Variants in SLC4A4 observed in about 807,000 individuals in gnomAD.
SLC4A4 encodes solute carrier family 4 member 4.
Under a neutral mutation model 111.5 loss-of-function variants are expected in SLC4A4, and 27 were observed. That is an observed-to-expected ratio of 0.24 (90% CI 0.18 to 0.33). The LOEUF (loss-of-function observed/expected upper bound fraction) is 0.33, where lower values mean the gene tolerates loss of function less well. Among genes scored for constraint, SLC4A4 ranks in the 10% least tolerant of loss-of-function variants. The pLI is 1.00. For missense variants in SLC4A4, 909 were observed against 1,315.5 expected (o/e 0.69, Z 4.78); for synonymous variants, 443 against 463.4 (o/e 0.96, Z 0.57).
chr4:71,349,389 G>T (rs1217485860), intron 4 of SLC4A4, among the ~76,000 whole-genome samples: 1 of 152,126 alleles, frequency 6.6e-6, no homozygotes, highest in East Asian at 1.9e-4. Context: ...TCTTCCTTAA[G>T]CATCAATAAA....
intron 1 of SLC4A4, among the ~76,000 whole-genome samples, chr4:71,214,841 A>G (rs1362393879): frequency 6.6e-6 from 1 of 152,158 alleles, no homozygotes; most frequent in Non-Finnish European, 1.5e-5. Flanking sequence ...ATCTCCACCC[A>G]CTTGAAACTT....
At position 71,570,774 on chromosome 4, in the gene SLC4A4, G is replaced by A. The variant is rs187139688; in HGVS notation, c.*3023G>A. The A allele has an allele frequency of 3.4e-4, 51 of 151,974 alleles. No individual in the cohort carries two copies. The highest frequency in any genetic ancestry group is 1.1e-3 in the African/African-American group (45 of 41,490). 9.4% of individuals were successfully genotyped at this position (151,974 alleles called of 1,614,324 possible). A position where few individuals can be genotyped will look rare whatever the true frequency, so the allele number is the denominator to read the frequency against. On this transcript the variant is annotated 3_prime_UTR_variant, in exon 26 of 26. Transcript: ENST00000264485. ...AAAATGCCTCTGGTTTTGTGTTTGG[G>A]AGAAAAGTATCTTGGACGCACTGTT... is the stretch of plus-strand genomic sequence containing the variant.
chr4:71,085,852 T>C (rs1477900804), intron 1 of SLC4A4, among the ~76,000 whole-genome samples: 1 of 152,062 alleles, frequency 6.6e-6, no homozygotes, highest in African/African-American at 2.4e-5. Context: ...CCTCCAGCTT[T>C]GTTCTTTTAG....
At chr4:71,204,127 A>G (rs1208048910) in intron 1 of SLC4A4, among the ~76,000 whole-genome samples, 2 of 152,230 alleles carry the variant, frequency 1.3e-5, no homozygotes, top group Non-Finnish European at 2.9e-5. Flanking sequence ...TCTAAATGAA[A>G]TGGAAAAAGA....
At chr4:71,197,209 C>T (rs112896006) in intron 1 of SLC4A4, among the ~76,000 whole-genome samples, 8,378 of 151,962 alleles carry the variant, frequency 0.055, 758 homozygotes, top group African/African-American at 0.19. Context: ...AGCGAGATTC[C>T]GTCTCAAAAA....
chr4:71,150,268 T>C (rs1324883370), intron 2 of SLC4A4, among the ~76,000 whole-genome samples: 1 of 152,094 alleles, frequency 6.6e-6, no homozygotes, highest in Admixed American at 6.6e-5. Flanking sequence ...TGGGTTTGGC[T>C]GAAGGTGGAA....
At chr4:71,328,934 T>C (rs186787819) in intron 3 of SLC4A4, among the ~76,000 whole-genome samples, 2 of 152,208 alleles carry the variant, frequency 1.3e-5, no homozygotes, top group East Asian at 1.9e-4. Flanking sequence ...TTTCTTGTAG[T>C]AGCTTCATAG....
intron 15 of SLC4A4, among the ~76,000 whole-genome samples, chr4:71,492,063 C>T (rs1250484131): frequency 6.6e-6 from 1 of 151,474 alleles, no homozygotes; most frequent in Non-Finnish European, 1.5e-5. Context: ...AATGGAATGT[C>T]GTATTAATAT....
chr4:71,247,651 C>A (rs1341137905), intron 2 of SLC4A4, among the ~76,000 whole-genome samples: 2 of 152,230 alleles, frequency 1.3e-5, no homozygotes, highest in Middle Eastern at 3.2e-3. Flanking sequence ...TCCAACCCTA[C>A]TTCCCATTCA....
chr4:71,375,507 C>G (rs1732266897), intron 6 of SLC4A4, among the ~76,000 whole-genome samples: 1 of 152,274 alleles, frequency 6.6e-6, no homozygotes, highest in Middle Eastern at 3.4e-3. Context: ...CTTCAAGGCC[C>G]ACATTCTCCT....
intron 3 of SLC4A4, among the ~76,000 whole-genome samples, chr4:71,324,729 A>T (rs1727378984): frequency 6.6e-6 from 1 of 152,060 alleles, no homozygotes; most frequent in African/African-American, 2.4e-5. Context: ...GAATCCATGT[A>T]ACGTTTTTGT....
intron 3 of SLC4A4, among the ~76,000 whole-genome samples, chr4:71,272,413 C>T (rs1228511746): frequency 1.3e-5 from 2 of 152,134 alleles, no homozygotes; most frequent in Non-Finnish European, 2.9e-5. Context: ...GGTTAAATGA[C>T]TGAAAGACAT....
At chr4:71,091,548 C>T (rs1158118223) in intron 1 of SLC4A4, among the ~76,000 whole-genome samples, 6 of 151,902 alleles carry the variant, frequency 3.9e-5, no homozygotes, top group South Asian at 4.2e-4. Context: ...CCACTGCACC[C>T]GGCCTGGCCA....
rs531547051 is a variant in SLC4A4 at position 71,272,526 on chromosome 4, T to C, written c.253+17127T>C. On this transcript the variant is annotated intron_variant, in intron 3 of 25. Transcript: ENST00000264485. ...GCGTCATGTTAAGCAAGTGGTAAAG[T>C]TGTTAATCTCTTGAAAAAATGGATC... Among the ~76,000 whole-genome samples the C allele has an allele frequency of 7.9e-5, 12 of 152,298 alleles. 1 individual carries two copies. In the South Asian group the frequency reaches 1.2e-3, roughly 16 times the overall value.
intron 16 of SLC4A4, among the ~76,000 whole-genome samples, chr4:71,499,590 C>T (rs1730717484): frequency 6.6e-6 from 1 of 152,110 alleles, no homozygotes; most frequent in Non-Finnish European, 1.5e-5. Flanking sequence ...CCTCCCATTC[C>T]CCGCCTCCAG....
At chr4:71,495,449 A>T (rs867085013) in intron 15 of SLC4A4, among the ~76,000 whole-genome samples, 53 of 152,266 alleles carry the variant, frequency 3.5e-4, no homozygotes, top group African/African-American at 1.2e-3. Context: ...CTCAAAAACA[A>T]AATGAGATAT....
At chr4:71,235,492 C>T (rs1048618682) in intron 1 of SLC4A4, among the ~76,000 whole-genome samples, 1 of 152,180 alleles carries the variant, frequency 6.6e-6, no homozygotes, top group African/African-American at 2.4e-5. Flanking sequence ...TGACATAGAG[C>T]AGCTGTCCCC....
chr4:71,202,779 G>A (rs1417841840), intron 1 of SLC4A4, among the ~76,000 whole-genome samples: 1 of 152,154 alleles, frequency 6.6e-6, no homozygotes, highest in Non-Finnish European at 1.5e-5. Context: ...TTTATTATAT[G>A]ATGATCTGTA....
At chr4:71,552,485 T>G (rs1162546673) in intron 20 of SLC4A4, among the ~76,000 whole-genome samples, 2 of 151,818 alleles carry the variant, frequency 1.3e-5, no homozygotes, top group Non-Finnish European at 2.9e-5. Context: ...TTTACCCTTT[T>G]CTCGTTTACT....
Sources: allele counts gnomAD v4.1 joint callset (sites outside exome capture counted in the v4.1 genomes callset), GRCh38; gene constraint gnomAD v4.1.1; transcripts MANE v1.5; gene names NCBI Gene and HGNC (gene_info 2026-07-23, HGNC 2026-07-21).